Variants in FMN1 observed in about 807,000 individuals in gnomAD.
FMN1 encodes the protein formin-1.
In FMN1, 110 loss-of-function variants were observed where a neutral mutation model predicts 132.4. That is an observed-to-expected ratio of 0.83 (90% CI 0.71 to 0.97). FMN1 has a LOEUF of 0.97. Among genes scored for constraint, FMN1 ranks in the 50% least tolerant of loss-of-function variants. The pLI, the probability that FMN1 is intolerant of heterozygous loss-of-function variation, is 0.00. For synonymous variants in FMN1, 722 were observed against 651.7 expected, an observed-to-expected ratio of 1.11 and a Z score of -1.64; for missense variants, 1,792 against 1,705.3, an observed-to-expected ratio of 1.05 and a Z score of -0.90.
chr15:33,128,255 G>C (rs1176060681), intron 4 of FMN1, among the ~76,000 whole-genome samples: 1 of 144,316 alleles, frequency 6.9e-6, no homozygotes, highest in Admixed American at 6.6e-5. Context: ...AACACCCTCA[G>C]AGAGCAATAA....
intron 9 of FMN1, among the ~76,000 whole-genome samples, chr15:32,928,973 A>G (rs1447614168): frequency 2.0e-5 from 3 of 152,208 alleles, no homozygotes; most frequent in Non-Finnish European, 1.5e-5. Context: ...AATGAGGCAA[A>G]TCTACCCCTC....
intron 19 of FMN1, among the ~76,000 whole-genome samples, chr15:32,780,655 C>A (rs1365701188): frequency 6.6e-6 from 1 of 152,124 alleles, no homozygotes; most frequent in Non-Finnish European, 1.5e-5. Context: ...GATCCAAGAA[C>A]CCTCTTTTGG....
chr15:33,107,257 C>A (rs1264118879), intron 4 of FMN1, among the ~76,000 whole-genome samples: 1 of 152,036 alleles, frequency 6.6e-6, no homozygotes, highest in Non-Finnish European at 1.5e-5. Flanking sequence ...GTCTACGCCA[C>A]TACCTCTCTC....
In FMN1 at chr15:32,767,642, G is replaced by A. The variant is rs2056091355; in HGVS notation, c.*6668C>T. On this transcript the variant is annotated 3_prime_UTR_variant, in exon 21 of 21. Coordinates refer to ENST00000616417, the MANE Select transcript of FMN1 (RefSeq NM_001277313.2). ...GTATTTTAGATTGGTTCTTTAAAGG[G>A]AAGTTCTTTTTATTAATGCATACTC... The A allele has an allele frequency of 6.6e-6, 1 of 152,152 alleles. No individual in the cohort carries two copies. Among genetic ancestry groups the A allele is most frequent in the South Asian group, 2.1e-4 (1 of 4,828 alleles). 9.4% of individuals were successfully genotyped at this position (152,152 alleles called of 1,614,324 possible). A position where few individuals can be genotyped will look rare whatever the true frequency, so the allele number is the denominator to read the frequency against.
chr15:33,120,559 C>A (rs1437333508), intron 4 of FMN1, among the ~76,000 whole-genome samples: 2 of 152,136 alleles, frequency 1.3e-5, no homozygotes, highest in Non-Finnish European at 2.9e-5. Context: ...CCAGAGATTA[C>A]TATTTTTTTA....
chr15:33,067,462 C>T, intron 5 of FMN1: 2 of 1,614,010 alleles, frequency 1.2e-6, no homozygotes, highest in Non-Finnish European at 1.7e-6. Context: ...TGGTGTGCAC[C>T]AGGGTCCCAC....
intron 3 of FMN1, among the ~76,000 whole-genome samples, chr15:33,170,358 G>C (rs1965270845): frequency 6.6e-6 from 1 of 152,128 alleles, no homozygotes; most frequent in African/African-American, 2.4e-5. Flanking sequence ...ACTAGGCAAA[G>C]ATTTTATGGC....
intron 7 of FMN1, among the ~76,000 whole-genome samples, chr15:32,972,803 T>C (rs1331862019): frequency 6.6e-6 from 1 of 152,188 alleles, no homozygotes; most frequent in East Asian, 1.9e-4. Flanking sequence ...CCAAGTATCC[T>C]CTGGATTAAT....
intron 4 of FMN1, among the ~76,000 whole-genome samples, chr15:33,133,206 AC>A (rs927639863): frequency 6.6e-6 from 1 of 152,052 alleles, no homozygotes; most frequent in Non-Finnish European, 1.5e-5. Flanking sequence ...ATGAGTTAGA[AC>A]CCTCCCAAGG....
intron 4 of FMN1, among the ~76,000 whole-genome samples, chr15:33,100,520 G>A (rs1031676532): frequency 2.0e-5 from 3 of 152,040 alleles, no homozygotes; most frequent in Non-Finnish European, 4.4e-5. Context: ...GGGAGGAGGA[G>A]GGGAGGGGTC....
intron 4 of FMN1, among the ~76,000 whole-genome samples, chr15:33,090,430 G>A (rs1301914948): frequency 6.6e-6 from 1 of 152,116 alleles, no homozygotes; most frequent in Non-Finnish European, 1.5e-5. Flanking sequence ...TGCCTGTTTG[G>A]TTTATTAGTT....
At chr15:32,946,996 C>T (rs1347430987) in intron 9 of FMN1, among the ~76,000 whole-genome samples, 1 of 152,114 alleles carries the variant, frequency 6.6e-6, no homozygotes, top group Non-Finnish European at 1.5e-5. Context: ...AGCATGTGGC[C>T]TATCTTTTTA....
intron 9 of FMN1, among the ~76,000 whole-genome samples, chr15:32,957,033 AC>A (rs991344505): frequency 1.3e-5 from 2 of 151,634 alleles, no homozygotes; most frequent in African/African-American, 4.8e-5. Context: ...AACCATCACA[AC>A]CCCCTTCCCC....
chr15:33,122,339 AG>A (rs1566935306), intron 4 of FMN1, among the ~76,000 whole-genome samples: 1 of 152,248 alleles, frequency 6.6e-6, no homozygotes, highest in East Asian at 1.9e-4. Flanking sequence ...CTTTAAAAGA[AG>A]AAAATTTTTT....
intron 4 of FMN1, among the ~76,000 whole-genome samples, chr15:33,121,636 C>G (rs1216197285): frequency 6.6e-6 from 1 of 152,132 alleles, no homozygotes; most frequent in Non-Finnish European, 1.5e-5. Flanking sequence ...TCAACTGATT[C>G]TCGTGCCTCA....
chr15:33,036,254 G>C (rs1178311402), intron 6 of FMN1, among the ~76,000 whole-genome samples: 2 of 152,144 alleles, frequency 1.3e-5, no homozygotes, highest in African/African-American at 2.4e-5. Context: ...CAAATGCCTA[G>C]AAGAGAGCCT....
In FMN1 at chr15:32,848,977, G is replaced by GTTTTTTTTTTTTTTTT. The variant is rs71113479; in HGVS notation, c.3928+8022_3928+8037dup. The stretch of plus-strand genomic sequence containing the variant: ...ATCAGTCTTGGGTTAGTTCTCTTTT[G>GTTTTTTTTTTTTTTTT]TTTTTTTTTTTTTTTTTTTTTTCAG... On this transcript the variant is annotated intron_variant, in intron 17 of 20. Coordinates refer to ENST00000616417, the MANE Select transcript of FMN1 (RefSeq NM_001277313.2). Among the ~76,000 whole-genome samples the GTTTTTTTTTTTTTTTT allele has an allele frequency of 3.0e-4, 27 of 89,542 alleles. 3 individuals carry two copies. Among genetic ancestry groups the GTTTTTTTTTTTTTTTT allele is most frequent in the Admixed American group, 5.0e-4 (3 of 5,976 alleles). The allele number at this position is 89,542 out of a possible 152,430, so 58.7% of individuals were successfully genotyped here. A position where few individuals can be genotyped will look rare whatever the true frequency, so the allele number is the denominator to read the frequency against.
chr15:33,155,127 AT>A (rs1392130779), intron 3 of FMN1, 82 bp from the exon 4 acceptor site: 3 of 507,244 alleles, frequency 5.9e-6, no homozygotes, highest in Non-Finnish European at 1.1e-5. Flanking sequence ...AAGCATAACC[AT>A]GACTTATCCT....
chr15:32,907,679 GC>G (rs1262706307), intron 12 of FMN1, among the ~76,000 whole-genome samples: 1 of 152,070 alleles, frequency 6.6e-6, no homozygotes, highest in East Asian at 1.9e-4. Context: ...TTCTACACTT[GC>G]CTCATCTCTA....
Sources: gnomAD v4.1 joint callset for allele counts (sites outside exome capture counted in the v4.1 genomes callset) on GRCh38, gnomAD v4.1.1 for gene constraint, MANE v1.5 for transcripts, NCBI Gene and HGNC (gene_info 2026-07-23, HGNC 2026-07-21) for gene names.